The following CCDC150 variants were observed in gnomAD, a reference collection of about 807,000 sequenced individuals.
The protein encoded by CCDC150 is coiled-coil domain containing 150.
CCDC150 carries 151 observed loss-of-function variants against 156.5 expected under a neutral mutation model. The ratio of observed to expected loss-of-function variants is 0.97; its 90% CI spans 0.85 to 1.10. The LOEUF is 1.10. CCDC150 is among the 50% of genes least tolerant of loss of function. The pLI is 0.00. For missense variants in CCDC150, 1,312 were observed against 1,268.1 expected (o/e 1.03, Z -0.53); for synonymous variants, 452 against 429.4 (o/e 1.05, Z -0.65).
At chr2:196,664,271 G>GC (rs774662361) in intron 5 of CCDC150, among the ~76,000 whole-genome samples, 28 of 152,086 alleles carry the variant, frequency 1.8e-4, no homozygotes, top group African/African-American at 6.8e-4. Context: ...TCACAAGATT[G>GC]CCCCCCACTT....
At chr2:196,706,947 A>T (rs900004423) in intron 15 of CCDC150, among the ~76,000 whole-genome samples, 5 of 152,212 alleles carry the variant, frequency 3.3e-5, no homozygotes, top group Non-Finnish European at 7.3e-5. Context: ...ATCAATGTTC[A>T]TCAGGGATAT....
intron 7 of CCDC150, 22 bp downstream of exon 7, chr2:196,666,870 A>G: frequency 6.2e-7 from 1 of 1,613,152 alleles, no homozygotes; most frequent in South Asian, 1.1e-5. Flanking sequence ...GATGCTAGAA[A>G]TCACCCTCTT....
chr2:196,713,199 G>T, intron 17 of CCDC150: 1 of 1,126,736 alleles, frequency 8.9e-7, no homozygotes, highest in Non-Finnish European at 1.2e-6. Flanking sequence ...ATTTTACAGT[G>T]TGATCTCTTC....
intron 15 of CCDC150, among the ~76,000 whole-genome samples, chr2:196,702,423 A>G (rs1008096255): frequency 7.9e-5 from 12 of 150,956 alleles, no homozygotes; most frequent in Non-Finnish European, 1.2e-4. Context: ...CAATGGTGCA[A>G]TATCTGGGCT....
At chr2:196,713,107 C>T (rs908786896) in intron 17 of CCDC150, 85 of 507,428 alleles carry the variant, frequency 1.7e-4, no homozygotes, top group Middle Eastern at 5.1e-4. Context: ...GTGATGAGGT[C>T]ACAGAGTTGT....
intron 7 of CCDC150, chr2:196,667,072 G>GAAA (rs1693892672): frequency 1.8e-6 from 1 of 540,812 alleles, no homozygotes; most frequent in East Asian, 3.0e-5. Flanking sequence ...TTCCTTATTT[G>GAAA]TTTTTTTCCA....
At chr2:196,656,150 G>A (rs992071528) in intron 2 of CCDC150, among the ~76,000 whole-genome samples, 2 of 152,182 alleles carry the variant, frequency 1.3e-5, no homozygotes, top group African/African-American at 4.8e-5. Context: ...GGAGACTTGT[G>A]TATGCCTCTA....
intron 10 of CCDC150, 54 bp from the exon 11 acceptor site, chr2:196,676,089 C>A: frequency 6.3e-7 from 1 of 1,578,190 alleles, no homozygotes; most frequent in Non-Finnish European, 8.7e-7. Flanking sequence ...CAAATGACAC[C>A]CTATCAAAAG....
At chr2:196,702,606 A>G (rs936827458) in intron 15 of CCDC150, among the ~76,000 whole-genome samples, 2 of 151,808 alleles carry the variant, frequency 1.3e-5, no homozygotes, top group African/African-American at 2.4e-5. Flanking sequence ...CCTGAGCTCA[A>G]GCAATCTGCC....
At chr2:196,711,209 G>T (rs1271818839) in intron 15 of CCDC150, among the ~76,000 whole-genome samples, 1 of 152,182 alleles carries the variant, frequency 6.6e-6, no homozygotes, top group Non-Finnish European at 1.5e-5. Flanking sequence ...ATAGCTATGT[G>T]ATCAGCACTC....
chr2:196,657,661 G>A (rs1215087556), intron 4 of CCDC150, among the ~76,000 whole-genome samples: 2 of 152,108 alleles, frequency 1.3e-5, no homozygotes, highest in Non-Finnish European at 2.9e-5. Flanking sequence ...AGGAGCACAC[G>A]CAGAGGCAGC....
At chr2:196,653,127 G>A (rs892050704) in intron 2 of CCDC150, among the ~76,000 whole-genome samples, 2 of 152,164 alleles carry the variant, frequency 1.3e-5, no homozygotes, top group East Asian at 1.9e-4. Flanking sequence ...TTCCCATTGC[G>A]TTGGCTATTA....
intron 2 of CCDC150, among the ~76,000 whole-genome samples, chr2:196,651,697 A>G (rs1196043469): frequency 6.6e-6 from 1 of 152,168 alleles, no homozygotes; most frequent in Non-Finnish European, 1.5e-5. Context: ...TGATGCTTTT[A>G]AAACTCTTTG....
Position 196,666,593 on chromosome 2 carries a change from A to G in CCDC150, c.763-126A>G, listed in dbSNP as rs1017956602. 13 of 805,934 alleles carry G rather than the reference A, an allele frequency of 1.6e-5. 1 individual carries two copies. Among genetic ancestry groups the G allele is most frequent in the East Asian group, 5.3e-5 (2 of 37,468 alleles). The allele number at this position is 805,934 out of a possible 1,614,324, so 49.9% of individuals were successfully genotyped here. A position where few individuals can be genotyped will look rare whatever the true frequency, so the allele number is the denominator to read the frequency against. On this transcript the variant is annotated intron_variant, in intron 6 of 27. Coordinates refer to ENST00000389175, the MANE Select transcript of CCDC150 (RefSeq NM_001080539.2). Reference sequence around the variant, plus strand: ...ATTCTGTTGAGATTTTAACTGTAACATAGACTAACTTCTTGTTGCTTCTCA... The same window carrying G: ...ATTCTGTTGAGATTTTAACTGTAACGTAGACTAACTTCTTGTTGCTTCTCA...
At chr2:196,654,133 T>G (rs1693045586) in intron 2 of CCDC150, among the ~76,000 whole-genome samples, 1 of 152,120 alleles carries the variant, frequency 6.6e-6, no homozygotes, top group Non-Finnish European at 1.5e-5. Flanking sequence ...CCACCAGGCC[T>G]TACCTCCAAC....
chr2:196,692,092 G>A (rs910236279), intron 13 of CCDC150, among the ~76,000 whole-genome samples: 5 of 145,504 alleles, frequency 3.4e-5, no homozygotes, highest in African/African-American at 5.1e-5. Context: ...TCCTTTAGTT[G>A]TGAAGTTAGG....
At chr2:196,694,955 A>G in intron 13 of CCDC150, 91 bp from the exon 14 acceptor site, 1 of 674,534 alleles carries the variant, frequency 1.5e-6, no homozygotes, top group South Asian at 2.0e-5. Context: ...AATACTGTCC[A>G]TTTTACAGTT....
intron 13 of CCDC150, among the ~76,000 whole-genome samples, chr2:196,683,278 G>A (rs1694947282): frequency 6.6e-6 from 1 of 152,024 alleles, no homozygotes; most frequent in South Asian, 2.1e-4. Flanking sequence ...AGATGATCTT[G>A]TGGGTTTTGT....
chr2:196,688,848 G>C (rs1372252539), intron 13 of CCDC150, among the ~76,000 whole-genome samples: 1 of 151,150 alleles, frequency 6.6e-6, no homozygotes, highest in East Asian at 1.9e-4. Context: ...GTAATGCCTA[G>C]GTTTTCTTCT....
Sources: gnomAD v4.1 joint callset for allele counts (sites outside exome capture counted in the v4.1 genomes callset) on GRCh38, gnomAD v4.1.1 for gene constraint, MANE v1.5 for transcripts, NCBI Gene and HGNC (gene_info 2026-07-23, HGNC 2026-07-21) for gene names.